MSRA: variants seen among roughly 807,000 people sequenced by gnomAD.
The protein encoded by MSRA is mitochondrial peptide methionine sulfoxide reductase.
A neutral mutation model predicts 31.3 loss-of-function variants in MSRA; 54 were observed. The ratio of observed to expected loss-of-function variants is 1.73; its 90% CI spans 1.39 to 2.17. MSRA has a LOEUF of 2.17. Among genes scored for constraint, MSRA ranks in the 30% most tolerant of loss-of-function variants. The probability of loss-of-function intolerance (pLI) is 0.00; values close to 1 mark genes in which losing one functional copy is unlikely to be tolerated. For missense variants in MSRA, 507 were observed against 300.9 expected, an observed-to-expected ratio of 1.69 and a Z score of -5.07; for synonymous variants, 169 against 116.5, an observed-to-expected ratio of 1.45 and a Z score of -2.90.
chr8:10,293,324 G>T (rs909321927), intron 3 of MSRA, among the ~76,000 whole-genome samples: 1 of 152,206 alleles, frequency 6.6e-6, no homozygotes, highest in Non-Finnish European at 1.5e-5. Flanking sequence ...CAACAACAAA[G>T]ATGAGCTACT....
chr8:10,388,619 G>C (rs541761564), intron 5 of MSRA, among the ~76,000 whole-genome samples: 89 of 152,252 alleles, frequency 5.8e-4, no homozygotes, highest in Non-Finnish European at 1.0e-3. Context: ...CAAGAAACCT[G>C]CTCAGAATCC....
Position 10,113,242 on chromosome 8 carries a change from T to TG in MSRA, c.142+58586dup, listed in dbSNP as rs375738145. ...TGCCCCTTCAGGAGGAAGCAGAGGG[T>TG]GGAGCCCTACCTGGGCTGGGGAGGC... On this transcript the variant is annotated intron_variant, in intron 1 of 5. Transcript: ENST00000317173. 2.3e-4 allele frequency among the ~76,000 whole-genome samples: 30 copies of TG among 130,742 alleles called. 1 individual carries two copies. Among genetic ancestry groups the TG allele is most frequent in the African/African-American group, 8.2e-4 (30 of 36,750 alleles). 85.8% of individuals were successfully genotyped at this position (130,742 alleles called of 152,430 possible).
intron 1 of MSRA, among the ~76,000 whole-genome samples, chr8:10,129,018 T>A (rs997595592): frequency 6.6e-6 from 1 of 152,250 alleles, no homozygotes; most frequent in Middle Eastern, 3.4e-3. Context: ...TTCTCACGAG[T>A]TTGCAAGCCC....
At chr8:10,141,280 G>A (rs1412449170) in intron 1 of MSRA, among the ~76,000 whole-genome samples, 1 of 152,192 alleles carries the variant, frequency 6.6e-6, no homozygotes, top group Admixed American at 6.5e-5. Context: ...CCGTCGGGAG[G>A]CCTGTGCAAC....
At chr8:10,311,736 G>C (rs1244418490) in intron 4 of MSRA, among the ~76,000 whole-genome samples, 1 of 152,036 alleles carries the variant, frequency 6.6e-6, no homozygotes, top group Non-Finnish European at 1.5e-5. Context: ...GACATAGTGA[G>C]GTCTCCATCT....
At chr8:10,233,587 G>T (rs1219394477) in intron 2 of MSRA, among the ~76,000 whole-genome samples, 1 of 152,172 alleles carries the variant, frequency 6.6e-6, no homozygotes, top group African/African-American at 2.4e-5. Flanking sequence ...GAACCCAGTT[G>T]ATGAGGAACT....
At chr8:10,384,910 A>G (rs1284007375) in intron 5 of MSRA, among the ~76,000 whole-genome samples, 2 of 152,096 alleles carry the variant, frequency 1.3e-5, no homozygotes, top group South Asian at 2.1e-4. Flanking sequence ...GCTGAGCCAG[A>G]AGGATCACTT....
chr8:10,398,221 A>G (rs1807223752), intron 5 of MSRA, among the ~76,000 whole-genome samples: 1 of 152,212 alleles, frequency 6.6e-6, no homozygotes, highest in African/African-American at 2.4e-5. Context: ...TCCTCTTAGA[A>G]AATTCCTGTT....
chr8:10,246,598 A>G (rs1797635364), intron 3 of MSRA, among the ~76,000 whole-genome samples: 1 of 152,224 alleles, frequency 6.6e-6, no homozygotes, highest in Non-Finnish European at 1.5e-5. Context: ...ACCATGAATG[A>G]TGGAGGGGAA....
chr8:10,250,360 T>C (rs1797851306), intron 3 of MSRA: 3 of 697,880 alleles, frequency 4.3e-6, no homozygotes, highest in East Asian at 5.4e-5. Flanking sequence ...AATACCCCAT[T>C]TCTGGCAAGA....
chr8:10,209,024 C>A (rs1265148866), intron 2 of MSRA, among the ~76,000 whole-genome samples: 2 of 152,186 alleles, frequency 1.3e-5, no homozygotes, highest in Non-Finnish European at 2.9e-5. Context: ...TAAACAGGGA[C>A]CCAGTTCCAC....
chr8:10,347,694 A>T (rs953519330), intron 5 of MSRA, among the ~76,000 whole-genome samples: 4 of 152,182 alleles, frequency 2.6e-5, no homozygotes, highest in Non-Finnish European at 5.9e-5. Flanking sequence ...GTGGCCTCGC[A>T]TGTCTCAGCC....
intron 2 of MSRA, among the ~76,000 whole-genome samples, chr8:10,231,091 T>C (rs1247126993): frequency 1.3e-5 from 2 of 151,954 alleles, no homozygotes; most frequent in African/African-American, 2.4e-5. Context: ...CAGCCTGTTC[T>C]GTAGTTTTAA....
intron 1 of MSRA, among the ~76,000 whole-genome samples, chr8:10,068,813 A>G (rs988533401): frequency 2.0e-5 from 3 of 152,212 alleles, no homozygotes; most frequent in Non-Finnish European, 2.9e-5. Context: ...ATATTCACAA[A>G]TAACTTGCTG....
At chr8:10,134,344 C>G (rs1056274789) in intron 1 of MSRA, among the ~76,000 whole-genome samples, 1 of 152,210 alleles carries the variant, frequency 6.6e-6, no homozygotes, top group Admixed American at 6.5e-5. Context: ...AAACACAGCA[C>G]AACACTTGAC....
At chr8:10,261,876 C>T (rs1357465651) in intron 3 of MSRA, among the ~76,000 whole-genome samples, 1 of 152,238 alleles carries the variant, frequency 6.6e-6, no homozygotes, top group Non-Finnish European at 1.5e-5. Context: ...TCTCCACCCT[C>T]ACAAACCCCT....
In MSRA at chr8:10,164,905, G is replaced by A. The variant is rs545182671; in HGVS notation, c.143-42928G>A. ...TAGCCTGGTGTTGTCGCAGACGCCT[G>A]TATTCCCAGCTACTCAGGAGGCTGA... On this transcript the variant is annotated intron_variant, in intron 1 of 5. Transcript: ENST00000317173. 2.0e-5 allele frequency among the ~76,000 whole-genome samples: 3 copies of A among 152,276 alleles called. No homozygotes were observed. In the South Asian group the frequency reaches 6.2e-4, roughly 32 times the overall value.
At chr8:10,376,865 G>A (rs1219480865) in intron 5 of MSRA, among the ~76,000 whole-genome samples, 1 of 152,170 alleles carries the variant, frequency 6.6e-6, no homozygotes, top group African/African-American at 2.4e-5. Context: ...CAATAAATAC[G>A]CAGGTGCCTT....
chr8:10,273,806 T>C (rs1475785419), intron 3 of MSRA, among the ~76,000 whole-genome samples: 1 of 152,126 alleles, frequency 6.6e-6, no homozygotes, highest in Non-Finnish European at 1.5e-5. Context: ...CTATTCCAAT[T>C]ACTTCAAGCA....
Sources: allele counts gnomAD v4.1 joint callset (sites outside exome capture counted in the v4.1 genomes callset), GRCh38; gene constraint gnomAD v4.1.1; transcripts MANE v1.5; gene names NCBI Gene and HGNC (gene_info 2026-07-23, HGNC 2026-07-21).